Variants in NASP observed in about 807,000 individuals in gnomAD.
The protein encoded by NASP is NASP histone chaperone.
NASP carries 24 observed loss-of-function variants against 89.5 expected under a neutral mutation model. That is an observed-to-expected ratio of 0.27 (90% CI 0.19 to 0.38). NASP has a LOEUF of 0.38. NASP is among the 10% of genes least tolerant of loss of function. The pLI is 1.00. For missense variants in NASP, 848 were observed against 921.4 expected (o/e 0.92, Z 1.03); for synonymous variants, 306 against 324.7 (o/e 0.94, Z 0.62).
At chr1:45,613,118 C>T in intron 6 of NASP, 51 bp from the exon 7 acceptor site, 1 of 1,564,390 alleles carries the variant, frequency 6.4e-7, no homozygotes, top group South Asian at 1.2e-5. Flanking sequence ...TCTGACTAGT[C>T]AGAATACGTT....
In NASP at chr1:45,601,133, CAG is replaced by C. The variant is rs1643833536; in HGVS notation, c.108-1121_108-1120del. 1.3e-5 allele frequency among the ~76,000 whole-genome samples: 2 copies of C among 152,052 alleles called. 1 individual carries two copies. The highest frequency in any genetic ancestry group is 4.8e-5 in the African/African-American group (2 of 41,414). On this transcript the variant is annotated intron_variant, in intron 2 of 14. Coordinates refer to ENST00000350030, the MANE Select transcript of NASP (RefSeq NM_002482.4). Reference sequence around the variant, plus strand: ...GGGCCTGCCTTTTTTGTTTTTATAACAGTGTCTTTCAAAACCAAGTTTTTCAT... The same window carrying C: ...GGGCCTGCCTTTTTTGTTTTTATAACTGTCTTTCAAAACCAAGTTTTTCAT...
At chr1:45,615,841 C>T (rs1224323859) in intron 11 of NASP, 2 of 202,996 alleles carry the variant, frequency 9.9e-6, no homozygotes, top group African/African-American at 4.7e-5. Context: ...AATCTAAAAT[C>T]TGAAATGCTC....
intron 7 of NASP, among the ~76,000 whole-genome samples, chr1:45,613,495 T>C (rs1262106051): frequency 6.6e-6 from 1 of 152,164 alleles, no homozygotes; most frequent in Non-Finnish European, 1.5e-5. Context: ...ATTATTATTT[T>C]TTTAAGAGAT....
At chr1:45,602,512 A>G (rs1173755282) in intron 3 of NASP, 147 bp downstream of exon 3, 2 of 741,608 alleles carry the variant, frequency 2.7e-6, no homozygotes, top group African/African-American at 1.8e-5. Context: ...AGTAACTATA[A>G]GTGTAAAACT....
At chr1:45,602,412 A>G (rs759428968) in intron 3 of NASP, 47 bp downstream of exon 3, 8 of 1,533,808 alleles carry the variant, frequency 5.2e-6, no homozygotes, top group Non-Finnish European at 7.1e-6. Context: ...GTTCTAATAA[A>G]CCTTGAGTTA....
At chr1:45,593,535 C>CAAAA (rs1197658183) in intron 2 of NASP, among the ~76,000 whole-genome samples, 3 of 82,412 alleles carry the variant, frequency 3.6e-5, no homozygotes, top group Admixed American at 1.5e-4. Context: ...TGTCCCCCCC[C>CAAAA]AAAAAAAAAA....
Position 45,618,403 on chromosome 1 carries a change from G to T in NASP, c.*262G>T. 1 of 308,466 alleles carries T rather than the reference G, an allele frequency of 3.2e-6. No individual in the cohort carries two copies. Among genetic ancestry groups the T allele is most frequent in the Non-Finnish European group, 6.2e-6 (1 of 160,296 alleles). The allele number at this position is 308,466 out of a possible 1,614,324, so 19.1% of individuals were successfully genotyped here. A position where few individuals can be genotyped will look rare whatever the true frequency, so the allele number is the denominator to read the frequency against. On this transcript the variant is annotated 3_prime_UTR_variant, in exon 15 of 15. Transcript: ENST00000350030. ...ATCTGTCTAACGTGGAGGTGATCAA[G>T]TGTGGCTGTAGGCCTTTGTTTTCCA...
chr1:45,610,764 T>C (rs906276594), intron 6 of NASP: 35 of 152,260 alleles, frequency 2.3e-4, no homozygotes, highest in African/African-American at 7.2e-4. Context: ...CATGCCCAGC[T>C]GGGGTGCAGT....
chr1:45,590,212 C>A (rs1643497999), intron 1 of NASP, among the ~76,000 whole-genome samples: 1 of 152,150 alleles, frequency 6.6e-6, no homozygotes, highest in Non-Finnish European at 1.5e-5. Flanking sequence ...AGTTCACCCT[C>A]TTTTCTATTT....
At chr1:45,593,540 A>T (rs1643605834) in intron 2 of NASP, among the ~76,000 whole-genome samples, 1 of 150,994 alleles carries the variant, frequency 6.6e-6, no homozygotes, top group Non-Finnish European at 1.5e-5. Flanking sequence ...CCCCCCAAAA[A>T]AAAAAAAAAA....
chr1:45,609,351 TC>T (rs1643963443), intron 6 of NASP: 1 of 152,210 alleles, frequency 6.6e-6, no homozygotes, highest in Non-Finnish European at 1.5e-5. Context: ...CTGGTAAACT[TC>T]CTTCTACCTA....
At chr1:45,603,445 T>A (rs973551279) in intron 3 of NASP, among the ~76,000 whole-genome samples, 5 of 152,140 alleles carry the variant, frequency 3.3e-5, no homozygotes, top group Admixed American at 3.3e-4. Flanking sequence ...TCCATTCTTT[T>A]CCTAAACCCC....
intron 1 of NASP, among the ~76,000 whole-genome samples, chr1:45,587,939 C>T (rs1277182565): frequency 2.0e-5 from 3 of 151,014 alleles, no homozygotes; most frequent in African/African-American, 7.3e-5. Flanking sequence ...CAGAGCAAGA[C>T]TCCATCTCAA....
intron 14 of NASP, among the ~76,000 whole-genome samples, chr1:45,617,844 A>G (rs1297310794): frequency 6.6e-6 from 1 of 152,228 alleles, no homozygotes; most frequent in Non-Finnish European, 1.5e-5. Context: ...GGGCAAAACC[A>G]TTAGGTCACT....
At chr1:45,595,565 C>T (rs961775408) in intron 2 of NASP, among the ~76,000 whole-genome samples, 2 of 152,148 alleles carry the variant, frequency 1.3e-5, no homozygotes, top group Middle Eastern at 3.2e-3. Flanking sequence ...GTCTCCAGTA[C>T]TCTTTCAGGG....
chr1:45,600,989 CAT>C (rs1643828890), intron 2 of NASP, among the ~76,000 whole-genome samples: 1 of 152,070 alleles, frequency 6.6e-6, no homozygotes, highest in Non-Finnish European at 1.5e-5. Context: ...TCTTTGATGA[CAT>C]GTTTGTTAAA....
chr1:45,603,129 T>C (rs1036628944), intron 3 of NASP, among the ~76,000 whole-genome samples: 2 of 152,240 alleles, frequency 1.3e-5, no homozygotes. Flanking sequence ...TAGACCTATA[T>C]CCTGGAGGAA....
intron 1 of NASP, chr1:45,589,015 C>T (rs190519968): frequency 1.1e-3 from 168 of 156,972 alleles, no homozygotes; most frequent in Non-Finnish European, 1.7e-3. Context: ...TTAATCTATT[C>T]CCATTGGGCT....
At chr1:45,586,272 GTGTGTGTGTGTGGTGTGTGT>G (rs1202565876) in intron 1 of NASP, among the ~76,000 whole-genome samples, 10 of 74,862 alleles carry the variant, frequency 1.3e-4, no homozygotes, top group African/African-American at 1.9e-4. Context: ...GTGTGTGTGT[GTGTGTGTGTGTGGTGTGTGT>G]GTGTGTGTGT....
Sources: gnomAD v4.1 joint callset for allele counts (sites outside exome capture counted in the v4.1 genomes callset) on GRCh38, gnomAD v4.1.1 for gene constraint, MANE v1.5 for transcripts, NCBI Gene and HGNC (gene_info 2026-07-23, HGNC 2026-07-21) for gene names.